Variants in LINGO1 observed in about 807,000 individuals in gnomAD.
LINGO1 encodes leucine-rich repeat and immunoglobulin-like domain-containing nogo receptor-interacting protein 1.
In LINGO1, 11 loss-of-function variants were observed where a neutral mutation model predicts 37.3. That is an observed-to-expected ratio of 0.29 (90% CI 0.19 to 0.49). The LOEUF is 0.49. Ranked by LOEUF, LINGO1 falls within the 20% of genes least tolerant of loss-of-function variation. The pLI is 0.99. For missense variants in LINGO1, 585 were observed against 878.2 expected (o/e 0.67, Z 4.22); for synonymous variants, 387 against 403.0 (o/e 0.96, Z 0.48).
chr15:77,751,842 G>A (rs1004482042), intron 1 of LINGO1, among the ~76,000 whole-genome samples: 15 of 152,162 alleles, frequency 9.9e-5, no homozygotes, highest in African/African-American at 3.6e-4. Flanking sequence ...AACAAGGCCC[G>A]AGCCAACAGC....
chr15:77,704,338 C>T lies in LINGO1; in HGVS notation c.-194-13437G>A, dbSNP rs188720307. 3.0e-3 allele frequency among the ~76,000 whole-genome samples: 456 copies of T among 151,674 alleles called. 5 individuals carry two copies. Among genetic ancestry groups the T allele is most frequent in the African/African-American group, 0.011 (441 of 40,936 alleles). ...ACACATAGAGCACTATGCTGAGCTC[C>T]AACCATGGCCACACATTAAGCCCCG... is the stretch of plus-strand genomic sequence containing the variant. On this transcript the variant is annotated intron_variant, in intron 2 of 3. Transcript: ENST00000561686.
intron 1 of LINGO1, among the ~76,000 whole-genome samples, chr15:77,803,474 G>GAA (rs796631235): frequency 7.1e-6 from 1 of 140,538 alleles, no homozygotes; most frequent in Non-Finnish European, 1.6e-5. Context: ...AAAATCTGAA[G>GAA]AAAAAAAAAA....
chr15:77,630,665 C>G (rs528590492), intron 1 of LINGO1, among the ~76,000 whole-genome samples: 1 of 152,304 alleles, frequency 6.6e-6, no homozygotes, highest in South Asian at 2.1e-4. Context: ...ACTCCAGAAC[C>G]TGGGGAACAC....
chr15:77,645,503 G>A (rs1281240647), intron 3 of LINGO1, among the ~76,000 whole-genome samples: 3 of 152,234 alleles, frequency 2.0e-5, no homozygotes, highest in East Asian at 3.8e-4. Flanking sequence ...CGAGGTGGAC[G>A]TGCACGCCTC....
At chr15:77,757,334 G>A (rs964625037) in intron 1 of LINGO1, among the ~76,000 whole-genome samples, 5 of 152,222 alleles carry the variant, frequency 3.3e-5, no homozygotes, top group African/African-American at 9.6e-5. Context: ...CCAAGGCTGG[G>A]CTTGTCAGGC....
chr15:77,629,500 C>A lies in LINGO1; in HGVS notation c.6+2810G>T, dbSNP rs541727898. ...CCAGTCTCCCTCTCTTCCTAAAGCA[C>A]CTCTGACAACCTCAACCCCCAGGGA... is the stretch of plus-strand genomic sequence containing the variant. On this transcript the variant is annotated intron_variant, in intron 1 of 1. Transcript: ENST00000355300. Among the ~76,000 whole-genome samples the A allele has an allele frequency of 5.8e-4, 88 of 152,310 alleles. 2 individuals carry two copies. In the South Asian group the frequency reaches 0.018, roughly 30 times the overall value.
chr15:77,699,770 A>ACC (rs1567532358), upstream of LINGO1, among the ~76,000 whole-genome samples: 7 of 127,216 alleles, frequency 5.5e-5, no homozygotes, highest in Admixed American at 1.6e-4. Flanking sequence ...CATACTAACC[A>ACC]TCATTCCCCC....
At chr15:77,770,033 C>T (rs1006164746) in intron 1 of LINGO1, among the ~76,000 whole-genome samples, 2 of 152,126 alleles carry the variant, frequency 1.3e-5, no homozygotes, top group African/African-American at 2.4e-5. Flanking sequence ...CTGGGGTCCA[C>T]CTGAGATGGG....
intron 2 of LINGO1, among the ~76,000 whole-genome samples, chr15:77,689,560 T>C (rs2075568148): frequency 6.6e-6 from 1 of 152,106 alleles, no homozygotes; most frequent in African/African-American, 2.4e-5. Flanking sequence ...TCACGGCCAA[T>C]GACTGATTGA....
At chr15:77,795,368 G>A (rs867053904) in intron 2 of LINGO1, among the ~76,000 whole-genome samples, 2 of 152,286 alleles carry the variant, frequency 1.3e-5, no homozygotes, top group African/African-American at 2.4e-5. Flanking sequence ...TCGTGATAAA[G>A]TCCAAGAACA....
chr15:77,702,033 A>G (rs1227969392), intron 2 of LINGO1, among the ~76,000 whole-genome samples: 1 of 152,184 alleles, frequency 6.6e-6, no homozygotes, highest in Non-Finnish European at 1.5e-5. Flanking sequence ...GGTGTCAGGG[A>G]GGCCCAAGAG....
chr15:77,791,588 T>C (rs999555066), upstream of LINGO1, among the ~76,000 whole-genome samples: 1 of 151,834 alleles, frequency 6.6e-6, no homozygotes, highest in Non-Finnish European at 1.5e-5. Context: ...ATTCTGGATG[T>C]CAACCTTAAA....
intron 1 of LINGO1, among the ~76,000 whole-genome samples, chr15:77,776,530 G>GGAAAGCAGGA (rs2076653137): frequency 3.8e-4 from 13 of 34,500 alleles, no homozygotes; most frequent in Admixed American, 6.0e-4. Context: ...GGGAGGAAGG[G>GGAAAGCAGGA]AGGGAGGGAG....
chr15:77,742,786 T>G (rs1424970581), intron 1 of LINGO1, among the ~76,000 whole-genome samples: 2 of 152,200 alleles, frequency 1.3e-5, no homozygotes, highest in Admixed American at 1.3e-4. Context: ...AGCTTCACCT[T>G]TGGCAGAGAC....
upstream of LINGO1, among the ~76,000 whole-genome samples, chr15:77,790,502 G>T (rs2076810141): frequency 6.6e-6 from 1 of 151,996 alleles, no homozygotes; most frequent in South Asian, 2.1e-4. Flanking sequence ...AGGGCCTGAG[G>T]GTAAGGGCCA....
At chr15:77,788,628 C>T (rs904994327), upstream of LINGO1, 14 of 152,246 alleles carry the variant, frequency 9.2e-5, no homozygotes, top group African/African-American at 3.1e-4. Context: ...TAGCATGCAG[C>T]TGAGCTTAAT....
In LINGO1 at chr15:77,632,735, C is replaced by T. The variant is rs1354925216; in HGVS notation, c.-420G>A. Among the ~76,000 whole-genome samples, 1 of 145,628 alleles carries T rather than the reference C, an allele frequency of 6.9e-6. No individual in the cohort carries two copies. Among genetic ancestry groups the T allele is most frequent in the African/African-American group, 2.5e-5 (1 of 40,602 alleles). On this transcript the variant is annotated 5_prime_UTR_variant, in exon 1 of 2. Coordinates refer to ENST00000355300, the MANE Select transcript of LINGO1 (RefSeq NM_032808.7). This position sits in a 1 kb window ranked among gnomAD's most constrained non-coding sequence, Gnocchi z 6.0. Reference sequence around the variant, plus strand: ...GGCAGCGGCCGCGCATGCTGCTCGGCGCCCCGCGTCGGGAGAGGGGCCGGA... The same window carrying T: ...GGCAGCGGCCGCGCATGCTGCTCGGTGCCCCGCGTCGGGAGAGGGGCCGGA...
At chr15:77,700,508 A>C (rs551873408), upstream of LINGO1, among the ~76,000 whole-genome samples, 8 of 152,296 alleles carry the variant, frequency 5.3e-5, no homozygotes, top group South Asian at 1.7e-3. Context: ...GAGTACTCAG[A>C]CAAATGGAGG....
intron 3 of LINGO1, among the ~76,000 whole-genome samples, chr15:77,666,126 GAAT>G (rs1489170399): frequency 3.3e-5 from 5 of 152,038 alleles, no homozygotes; most frequent in African/African-American, 1.2e-4. Context: ...ATGAATGAAT[GAAT>G]GAGTGAATGA....
Sources: allele counts gnomAD v4.1 joint callset (sites outside exome capture counted in the v4.1 genomes callset), GRCh38; gene constraint gnomAD v4.1.1; non-coding constraint Gnocchi (gnomAD v3.1); transcripts MANE v1.5; gene names NCBI Gene and HGNC (gene_info 2026-07-23, HGNC 2026-07-21).